The following DLG2 variants were observed in gnomAD, a reference collection of about 807,000 sequenced individuals.
DLG2 encodes the protein disks large homolog 2.
In DLG2, 45 loss-of-function variants were observed where a neutral mutation model predicts 132.5. The ratio of observed to expected loss-of-function variants is 0.34; its 90% CI spans 0.27 to 0.44. The LOEUF is 0.44. DLG2 is among the 20% of genes least tolerant of loss of function. The probability of loss-of-function intolerance (pLI) is 1.00; values close to 1 mark genes in which losing one functional copy is unlikely to be tolerated. For synonymous variants in DLG2, 424 were observed against 419.6 expected (o/e 1.01, Z -0.13); for missense variants, 1,045 against 1,196.9 (o/e 0.87, Z 1.87).
chr11:84,159,661 G>A (rs115836797), intron 9 of DLG2, among the ~76,000 whole-genome samples: 28 of 152,198 alleles, frequency 1.8e-4, no homozygotes, highest in African/African-American at 4.8e-4. Context: ...ACCTTTGGAA[G>A]GTCTTAAGAA....
chr11:84,684,397 G>A (rs868534319), intron 6 of DLG2, among the ~76,000 whole-genome samples: 31 of 152,216 alleles, frequency 2.0e-4, no homozygotes, highest in Admixed American at 7.9e-4. Flanking sequence ...TCACACTCCA[G>A]AAATTGAGTT....
chr11:84,901,557 C>T (rs1250687078), intron 6 of DLG2, among the ~76,000 whole-genome samples: 1 of 151,978 alleles, frequency 6.6e-6, no homozygotes, highest in African/African-American at 2.4e-5. Context: ...TAATCTTAAA[C>T]TCTGTTACTC....
intron 3 of DLG2, among the ~76,000 whole-genome samples, chr11:85,520,515 C>CCACACACACACA (rs3068471): frequency 0.049 from 7,324 of 148,032 alleles, 209 homozygotes; most frequent in Admixed American, 0.065. Flanking sequence ...GTATATGGAA[C>CCACACACACACA]CACACACACA....
At chr11:84,176,654 G>C (rs1337158724) in intron 8 of DLG2, among the ~76,000 whole-genome samples, 1 of 151,986 alleles carries the variant, frequency 6.6e-6, no homozygotes, top group Non-Finnish European at 1.5e-5. Flanking sequence ...GCATACTCAA[G>C]TTGTGATAGC....
chr11:84,131,794 T>C (rs187210075), intron 9 of DLG2, among the ~76,000 whole-genome samples: 3 of 152,156 alleles, frequency 2.0e-5, no homozygotes, highest in Admixed American at 6.6e-5. Flanking sequence ...CCAGTCACTA[T>C]TGATTTTCCT....
intron 3 of DLG2, among the ~76,000 whole-genome samples, chr11:85,364,879 T>A (rs968436610): frequency 6.6e-6 from 1 of 152,170 alleles, no homozygotes; most frequent in Non-Finnish European, 1.5e-5. Flanking sequence ...CTGAGCTTTT[T>A]TTTTTGGTTC....
intron 6 of DLG2, among the ~76,000 whole-genome samples, chr11:84,765,391 C>G (rs1471686550): frequency 6.6e-6 from 1 of 152,040 alleles, no homozygotes; most frequent in African/African-American, 2.4e-5. Context: ...GAAAGTTCTC[C>G]TGGATAATTA....
intron 15 of DLG2, among the ~76,000 whole-genome samples, chr11:83,921,213 T>C (rs1394522839): frequency 6.6e-6 from 1 of 152,144 alleles, no homozygotes; most frequent in Non-Finnish European, 1.5e-5. Flanking sequence ...ACAGTGATTG[T>C]TGTAATCATT....
At chr11:83,594,033 A>C (rs1235074591) in intron 19 of DLG2, among the ~76,000 whole-genome samples, 1 of 152,236 alleles carries the variant, frequency 6.6e-6, no homozygotes, top group Non-Finnish European at 1.5e-5. Flanking sequence ...AAAAAATACA[A>C]GGCCCTTAGA....
chr11:84,275,086 A>T (rs1332289029), intron 7 of DLG2, among the ~76,000 whole-genome samples: 2 of 152,202 alleles, frequency 1.3e-5, no homozygotes, highest in African/African-American at 4.8e-5. Context: ...TCCTCTCTGA[A>T]ATTCTTAAGC....
intron 8 of DLG2, among the ~76,000 whole-genome samples, chr11:84,212,988 A>G (rs1485193862): frequency 6.6e-6 from 1 of 152,196 alleles, no homozygotes; most frequent in African/African-American, 2.4e-5. Context: ...CGGGGTAGGT[A>G]GATAGTTCCC....
chr11:84,647,309 C>T (rs1017527907), intron 6 of DLG2, among the ~76,000 whole-genome samples: 1 of 152,030 alleles, frequency 6.6e-6, no homozygotes, highest in Admixed American at 6.6e-5. Flanking sequence ...GATAATGATG[C>T]CTTCTCTAGA....
At chr11:84,372,442 ATGTG>A (rs1469008909) in intron 7 of DLG2, among the ~76,000 whole-genome samples, 1 of 152,212 alleles carries the variant, frequency 6.6e-6, no homozygotes, top group African/African-American at 2.4e-5. Context: ...TAAAGACAGA[ATGTG>A]TAAATTAGCT....
rs568840783 is a variant in DLG2, at chr11:85,095,076, A to AAC, written c.357+16583_357+16584dup. Among the ~76,000 whole-genome samples, 9 of 152,316 alleles carry AAC rather than the reference A, an allele frequency of 5.9e-5. No homozygotes were observed. The South Asian group carries it at 1.9e-3, about 32-fold the overall frequency. ...AATGGCCACTTGGTGGAGGAGACAG[A>AAC]ACACACACTTTTATCAGTGAAGTTC... On this transcript the variant is annotated intron_variant, in intron 6 of 27. Coordinates refer to ENST00000376104, the MANE Select transcript of DLG2 (RefSeq NM_001142699.3).
chr11:83,727,741 T>C (rs368427734), intron 18 of DLG2, among the ~76,000 whole-genome samples: 1 of 152,224 alleles, frequency 6.6e-6, no homozygotes, highest in African/African-American at 2.4e-5. Flanking sequence ...CTAGGGAACA[T>C]GGAGACTTGG....
chr11:84,439,176 T>C (rs1331162967), intron 7 of DLG2, among the ~76,000 whole-genome samples: 2 of 152,242 alleles, frequency 1.3e-5, no homozygotes, highest in African/African-American at 4.8e-5. Context: ...GAATGAATGA[T>C]CTTGTTTCTG....
At chr11:85,603,871 C>T (rs753502176) in intron 2 of DLG2, among the ~76,000 whole-genome samples, 4 of 152,130 alleles carry the variant, frequency 2.6e-5, no homozygotes, top group South Asian at 2.1e-4. Flanking sequence ...GGGCCACCAT[C>T]CTGCTACTGC....
chr11:85,021,541 G>A lies in DLG2; in HGVS notation c.357+90120C>T, dbSNP rs558392047. On this transcript the variant is annotated intron_variant, in intron 6 of 27. Coordinates refer to ENST00000376104, the MANE Select transcript of DLG2 (RefSeq NM_001142699.3). ...GGAGTCCACAATTTTGCCATACTTC[G>A]AAAAGATTGCCTCCACATCAGATTT... The A allele has an allele frequency of 1.8e-5, 28 of 1,587,888 alleles. 1 individual carries two copies. The highest frequency in any genetic ancestry group is 5.5e-5 in the South Asian group (5 of 90,506).
chr11:84,046,987 T>C (rs918085109), intron 11 of DLG2, among the ~76,000 whole-genome samples: 2 of 151,620 alleles, frequency 1.3e-5, no homozygotes, highest in African/African-American at 4.8e-5. Flanking sequence ...TTTTAATGTA[T>C]TGGATCTCAG....
Sources: gnomAD v4.1 joint callset for allele counts (sites outside exome capture counted in the v4.1 genomes callset) on GRCh38, gnomAD v4.1.1 for gene constraint, MANE v1.5 for transcripts, NCBI Gene and HGNC (gene_info 2026-07-23, HGNC 2026-07-21) for gene names.